The following RTL8B variants were observed in gnomAD, a reference collection of about 807,000 sequenced individuals.
The protein encoded by RTL8B is retrotransposon Gag-like protein 8B.
A neutral mutation model predicts 4.4 loss-of-function variants in RTL8B; 5 were observed. That is an observed-to-expected ratio of 1.13 (90% CI 0.59 to 2.37). The LOEUF (loss-of-function observed/expected upper bound fraction) is 2.37, where lower values mean the gene tolerates loss of function less well. Ranked by LOEUF, RTL8B falls within the 30% of genes most tolerant of loss-of-function variation. The pLI is 0.01. For synonymous variants in RTL8B, 31 were observed against 44.2 expected (o/e 0.70, Z 1.19); for missense variants, 82 against 99.2 (o/e 0.83, Z 0.74).
At position 135,020,621 on chromosome X, in the gene RTL8B, C is replaced by T. The variant is rs2083263985; in HGVS notation, c.*1497G>A. 8.9e-6 allele frequency: 1 copy of T among 111,954 alleles called. No homozygotes were observed. The highest frequency in any genetic ancestry group is 1.9e-5 in the Non-Finnish European group (1 of 53,209). The allele number at this position is 111,954 out of a possible 1,213,427, so 9.2% of individuals were successfully genotyped here. A position where few individuals can be genotyped will look rare whatever the true frequency, so the allele number is the denominator to read the frequency against. On this transcript the variant is annotated 3_prime_UTR_variant, in exon 1 of 1. Transcript: ENST00000391440. ...GCAGGAGGCACAAAGCCAATTAAAA[C>T]ATTTCCCTTATTGTGCATGGAAAAT...
In RTL8B at chrX:135,020,687, G is replaced by C. The variant is rs1392862986; in HGVS notation, c.*1431C>G. On this transcript the variant is annotated 3_prime_UTR_variant, in exon 1 of 1. Coordinates refer to ENST00000391440, the MANE Select transcript of RTL8B (RefSeq NM_001078173.2). ...TACCCAAGCTTATGAAATGTACCAG[G>C]ATCACATGTAATTGAATAAAATGAT... 3 of 111,656 alleles carry C rather than the reference G, an allele frequency of 2.7e-5. No homozygotes were observed. The highest frequency in any genetic ancestry group is 5.6e-5 in the Non-Finnish European group (3 of 53,139). 9.2% of individuals were successfully genotyped at this position (111,656 alleles called of 1,213,427 possible). A position where few individuals can be genotyped will look rare whatever the true frequency, so the allele number is the denominator to read the frequency against.
At position 135,021,762 on chromosome X, in the gene RTL8B, G is replaced by A. The variant is rs1238161641; in HGVS notation, c.*356C>T. ...TCGTCTGGAAGTCTGGTGAGGAGGA[G>A]GGGGGTTGGCAGCGGCGGCTGTCAG... On this transcript the variant is annotated 3_prime_UTR_variant, in exon 1 of 1. Transcript: ENST00000391440. The A allele has an allele frequency of 2.8e-6, 3 of 1,054,517 alleles. No individual in the cohort carries two copies. The highest frequency in any genetic ancestry group is 2.8e-5 in the Admixed American group (1 of 35,213). The allele number at this position is 1,054,517 out of a possible 1,213,427, so 86.9% of individuals were successfully genotyped here.
chrX:135,021,586 G>A lies in RTL8B; in HGVS notation c.*532C>T, dbSNP rs1373071422. 3.5e-5 allele frequency: 31 copies of A among 878,506 alleles called. No individual in the cohort carries two copies. The highest frequency in any genetic ancestry group is 4.1e-5 in the Non-Finnish European group (27 of 661,437). The allele number at this position is 878,506 out of a possible 1,213,427, so 72.4% of individuals were successfully genotyped here. A position where few individuals can be genotyped will look rare whatever the true frequency, so the allele number is the denominator to read the frequency against. On this transcript the variant is annotated 3_prime_UTR_variant, in exon 1 of 1. Transcript: ENST00000391440. ...CTGAAGGTAACAGGTCCCTTGAGGG[G>A]CAGCCAGCTGTCTGGATCATTGTCC... is the stretch of plus-strand genomic sequence containing the variant.
rs2083265775 is a variant in RTL8B at position 135,021,286 on chromosome X, C to T, written c.*832G>A. 3 of 244,061 alleles carry T rather than the reference C, an allele frequency of 1.2e-5. No homozygotes were observed. The highest frequency in any genetic ancestry group is 2.3e-5 in the Non-Finnish European group (3 of 130,708). The allele number at this position is 244,061 out of a possible 1,213,427, so 20.1% of individuals were successfully genotyped here. A position where few individuals can be genotyped will look rare whatever the true frequency, so the allele number is the denominator to read the frequency against. On this transcript the variant is annotated 3_prime_UTR_variant, in exon 1 of 1. Transcript: ENST00000391440. ...TGCCATATTCATTCAGACTCTATTT[C>T]TTTCTCAATAGTGTCTGACATTTAT...
chrX:135,020,950 T>C lies in RTL8B; in HGVS notation c.*1168A>G, dbSNP rs1252707088. 1.8e-5 allele frequency: 2 copies of C among 112,852 alleles called. No individual in the cohort carries two copies. Among genetic ancestry groups the C allele is most frequent in the Non-Finnish European group, 3.7e-5 (2 of 53,568 alleles). 9.3% of individuals were successfully genotyped at this position (112,852 alleles called of 1,213,427 possible). The stretch of plus-strand genomic sequence containing the variant: ...TTTATGGTTTGTAACAATTTGGGAA[T>C]TGTGTTTTCAAACCACTTTCTGGAA... On this transcript the variant is annotated 3_prime_UTR_variant, in exon 1 of 1. Transcript: ENST00000391440.
chrX:135,020,986 A>G lies in RTL8B; in HGVS notation c.*1132T>C, dbSNP rs2083265005. 1 of 112,566 alleles carries G rather than the reference A, an allele frequency of 8.9e-6. No individual in the cohort carries two copies. The highest frequency in any genetic ancestry group is 1.9e-5 in the Non-Finnish European group (1 of 53,572). The allele number at this position is 112,566 out of a possible 1,213,427, so 9.3% of individuals were successfully genotyped here. A position where few individuals can be genotyped will look rare whatever the true frequency, so the allele number is the denominator to read the frequency against. On this transcript the variant is annotated 3_prime_UTR_variant, in exon 1 of 1. Coordinates refer to ENST00000391440, the MANE Select transcript of RTL8B (RefSeq NM_001078173.2). ...AACCACTTTCTGGAAATGAGGATAC[A>G]TTTTCCAAGAGCCTGCTGGCTGACT...
chrX:135,022,323 T>C lies in RTL8B; in HGVS notation c.137A>G (p.Gln46Arg). Residue 46 changes from glutamine to arginine, a missense_variant, in exon 1 of 1, where the codon CAG (glutamine) becomes CGG (arginine). Physicochemically the swap from Gln to Arg is conservative, Grantham distance 43 (BLOSUM62 1). Coordinates refer to ENST00000391440, the MANE Select transcript of RTL8B (RefSeq NM_001078173.2). ...GTCCACGAACATGTAGGAGCTCGTC[T>C]GCACGATGAACTCCGGGAGCCGGTC... ...DTDRLPEFIV[Q>R]TSSYMFVDEN... The C allele has an allele frequency of 2.5e-6, 3 of 1,212,044 alleles. No individual in the cohort carries two copies. Among genetic ancestry groups the C allele is most frequent in the Non-Finnish European group, 3.3e-6 (3 of 895,572 alleles).
Position 135,021,587 on chromosome X carries a change from C to T in RTL8B, c.*531G>A, listed in dbSNP as rs1433306094. The T allele has an allele frequency of 3.4e-6, 3 of 885,793 alleles. No individual in the cohort carries two copies. The highest frequency in any genetic ancestry group is 3.0e-6 in the Non-Finnish European group (2 of 666,795). 73.0% of individuals were successfully genotyped at this position (885,793 alleles called of 1,213,427 possible). ...TGAAGGTAACAGGTCCCTTGAGGGG[C>T]AGCCAGCTGTCTGGATCATTGTCCA... On this transcript the variant is annotated 3_prime_UTR_variant, in exon 1 of 1. Transcript: ENST00000391440.
chrX:135,022,007 C>A lies in RTL8B; in HGVS notation c.*111G>T. ...GAGCGCAGGGGACATCGTGGCGGCT[C>A]GAGGGGGAGGGAGGCGCGGAGGGAG... On this transcript the variant is annotated 3_prime_UTR_variant, in exon 1 of 1. Transcript: ENST00000391440. The A allele has an allele frequency of 1.7e-6, 2 of 1,167,748 alleles. No homozygotes were observed.
Position 135,021,567 on chromosome X carries a change from G to A in RTL8B, c.*551C>T, listed in dbSNP as rs1459900132. On this transcript the variant is annotated 3_prime_UTR_variant, in exon 1 of 1. Transcript: ENST00000391440. ...GGGGAGGAAATGGGTCTCGCTGAAG[G>A]TAACAGGTCCCTTGAGGGGCAGCCA... 1.3e-6 allele frequency: 1 copy of A among 764,456 alleles called. No individual in the cohort carries two copies. Among genetic ancestry groups the A allele is most frequent in the Admixed American group, 3.0e-5 (1 of 32,895 alleles). The allele number at this position is 764,456 out of a possible 1,213,427, so 63.0% of individuals were successfully genotyped here.
Position 135,021,897 on chromosome X carries a change from G to C in RTL8B, c.*221C>G, listed in dbSNP as rs748458060. 8.7e-7 allele frequency: 1 copy of C among 1,152,910 alleles called. No individual in the cohort carries two copies. Among genetic ancestry groups the C allele is most frequent in the Admixed American group, 2.6e-5 (1 of 38,326 alleles). ...TGGCACGAGAGGGCGGAGGCAGCCC[G>C]CTCCAGAGTGAGGCCCAGGGGCGGC... On this transcript the variant is annotated 3_prime_UTR_variant, in exon 1 of 1. Transcript: ENST00000391440.
In RTL8B at chrX:135,022,524, G is replaced by C. The variant is rs1167800892; in HGVS notation, c.-65C>G. The C allele has an allele frequency of 1.2e-5, 14 of 1,166,477 alleles. No homozygotes were observed. The highest frequency in any genetic ancestry group is 1.6e-5 in the Non-Finnish European group (14 of 873,848). ...TGGGCTTCGCCGGGGGCTGCACCGA[G>C]GCGTAGCGGGAAGTGCATGTCGCGG... On this transcript the variant is annotated 5_prime_UTR_variant, in exon 1 of 1. Transcript: ENST00000391440.
Position 135,021,951 on chromosome X carries a change from A to T in RTL8B, c.*167T>A. ...AGGAGCCTGGAGCGCTATTCCTGGAACAAAGGCAAGCACTACGCGGGAGGG... is the reference window on the plus strand; with the variant it reads ...AGGAGCCTGGAGCGCTATTCCTGGATCAAAGGCAAGCACTACGCGGGAGGG... On this transcript the variant is annotated 3_prime_UTR_variant, in exon 1 of 1. Transcript: ENST00000391440. The T allele has an allele frequency of 8.7e-7, 1 of 1,155,366 alleles. No homozygotes were observed. Among genetic ancestry groups the T allele is most frequent in the Non-Finnish European group, 1.2e-6 (1 of 867,432 alleles).
Position 135,021,782 on chromosome X carries a change from T to A in RTL8B, c.*336A>T, listed in dbSNP as rs7880514. 3.7e-6 allele frequency: 4 copies of A among 1,080,402 alleles called. No homozygotes were observed. The highest frequency in any genetic ancestry group is 4.9e-6 in the Non-Finnish European group (4 of 817,851). 89.0% of individuals were successfully genotyped at this position (1,080,402 alleles called of 1,213,427 possible). ...GAGGAGGGGGGTTGGCAGCGGCGGCTGTCAGTGGTCTGTCAGTGTGTAACA... is the reference window on the plus strand; with the variant it reads ...GAGGAGGGGGGTTGGCAGCGGCGGCAGTCAGTGGTCTGTCAGTGTGTAACA... On this transcript the variant is annotated 3_prime_UTR_variant, in exon 1 of 1. Transcript: ENST00000391440.
chrX:135,021,493 A>G lies in RTL8B; in HGVS notation c.*625T>C, dbSNP rs765012368. 2.7e-6 allele frequency: 1 copy of G among 374,477 alleles called. No homozygotes were observed. Among genetic ancestry groups the G allele is most frequent in the Non-Finnish European group, 4.9e-6 (1 of 203,225 alleles). The allele number at this position is 374,477 out of a possible 1,213,427, so 30.9% of individuals were successfully genotyped here. On this transcript the variant is annotated 3_prime_UTR_variant, in exon 1 of 1. Coordinates refer to ENST00000391440, the MANE Select transcript of RTL8B (RefSeq NM_001078173.2). ...AGACTCGATTTGGCTGCCAGGCACA[A>G]CTGAGCCCTGGCAGCCATGTGGCAG...
Position 135,022,355 on chromosome X carries a change from G to A in RTL8B, c.105C>T (p.Gly35=), listed in dbSNP as rs751440929. Residue 35 remains glycine (G), a synonymous_variant, in exon 1 of 1, where the codon GGC becomes GGT. Transcript: ENST00000391440. Reference sequence around the variant, plus strand: ...TGAACTCCGGGAGCCGGTCGGTATCGCCATCAAACGTCTCGGGAAAGGGAA... The same window carrying A: ...TGAACTCCGGGAGCCGGTCGGTATCACCATCAAACGTCTCGGGAAAGGGAA... The part of the protein sequence containing the change: ...NPIPFPETFD[G]DTDRLPEFIV... 1 of 1,210,555 alleles carries A rather than the reference G, an allele frequency of 8.3e-7. No homozygotes were observed. The highest frequency in any genetic ancestry group is 1.1e-6 in the Non-Finnish European group (1 of 895,283).
In RTL8B at chrX:135,021,568, TA is replaced by T; in HGVS notation, c.*549del. The stretch of plus-strand genomic sequence containing the variant: ...GGGAGGAAATGGGTCTCGCTGAAGG[TA>T]ACAGGTCCCTTGAGGGGCAGCCAGC... On this transcript the variant is annotated 3_prime_UTR_variant, in exon 1 of 1. Transcript: ENST00000391440. 1.3e-6 allele frequency: 1 copy of T among 769,040 alleles called. No individual in the cohort carries two copies. Among genetic ancestry groups the T allele is most frequent in the Non-Finnish European group, 1.8e-6 (1 of 560,895 alleles). 63.4% of individuals were successfully genotyped at this position (769,040 alleles called of 1,213,427 possible). A position where few individuals can be genotyped will look rare whatever the true frequency, so the allele number is the denominator to read the frequency against.
In RTL8B at chrX:135,021,656, A is replaced by G; in HGVS notation, c.*462T>C. The G allele has an allele frequency of 7.1e-6, 7 of 988,037 alleles. No homozygotes were observed. The highest frequency in any genetic ancestry group is 9.2e-6 in the Non-Finnish European group (7 of 758,583). The allele number at this position is 988,037 out of a possible 1,213,427, so 81.4% of individuals were successfully genotyped here. On this transcript the variant is annotated 3_prime_UTR_variant, in exon 1 of 1. Transcript: ENST00000391440. ...GATACCTCCGAGGTGAGTACAGATC[A>G]CTAGAAGCAGCAGTCTGTCGGTGGA... is the stretch of plus-strand genomic sequence containing the variant.
At position 135,020,748 on chromosome X, in the gene RTL8B, CT is replaced by C. The variant is rs2083264482; in HGVS notation, c.*1369del. The C allele has an allele frequency of 8.9e-6, 1 of 112,063 alleles. No homozygotes were observed. The highest frequency in any genetic ancestry group is 1.9e-5 in the Non-Finnish European group (1 of 53,194). 9.2% of individuals were successfully genotyped at this position (112,063 alleles called of 1,213,427 possible). A position where few individuals can be genotyped will look rare whatever the true frequency, so the allele number is the denominator to read the frequency against. On this transcript the variant is annotated 3_prime_UTR_variant, in exon 1 of 1. Transcript: ENST00000391440. Reference sequence around the variant, plus strand: ...CAATTCTTCTGCAAAATAAAACCCCCTGGTCATCAACCAGGTTTGTATCTAA... The same window carrying C: ...CAATTCTTCTGCAAAATAAAACCCCCGGTCATCAACCAGGTTTGTATCTAA...
Sources: allele counts gnomAD v4.1 joint callset, GRCh38; gene constraint gnomAD v4.1.1; transcripts MANE v1.5; gene names NCBI Gene and HGNC (gene_info 2026-07-23, HGNC 2026-07-21).